FASN: variants seen among roughly 807,000 people sequenced by gnomAD.
The protein encoded by FASN is 3-hydroxyacyl-[acyl-carrier-protein] dehydratase.
A neutral mutation model predicts 250.0 loss-of-function variants in FASN; 50 were observed. The ratio of observed to expected loss-of-function variants is 0.20; its 90% CI spans 0.16 to 0.25. FASN has a LOEUF of 0.25. FASN is among the 10% of genes least tolerant of loss of function. The pLI is 1.00. For missense variants in FASN, 3,031 were observed against 3,498.5 expected (o/e 0.87, Z 3.37); for synonymous variants, 1,909 against 1,584.0 (o/e 1.21, Z -4.87).
rs1011473348 is a variant in FASN at position 82,085,063 on chromosome 17, G to A, written c.4381C>T (p.Arg1461Cys). The change falls in exon 25 of 43, where the codon CGC becomes TGC. Residue 1461 changes from arginine (R) to cysteine (C), a missense_variant. Arg to Cys is a radical substitution (Grantham distance 180). Transcript: ENST00000306749. ...AGGCGGTTCCCGCCGGGCTCTCGGC[G>A]GAGACAGTTCACCAAGCCCACCACG... ...SGVVGLVNCL[R>C]REPGGNRLRC... is the part of the protein sequence containing the mutation. 3.7e-6 allele frequency: 6 copies of A among 1,612,150 alleles called. No individual in the cohort carries two copies. Among genetic ancestry groups the A allele is most frequent in the East Asian group, 2.2e-5 (1 of 44,876 alleles).
intron 17 of FASN, 26 bp downstream of exon 17, chr17:82,088,090 C>T (rs45485701): frequency 1.5e-4 from 247 of 1,612,488 alleles, no homozygotes; most frequent in Admixed American, 3.5e-4. Context: ...CAGCTACCCC[C>T]GCCTTGGTCC....
Position 82,096,446 on chromosome 17 carries a change from G to A in FASN, c.-1C>T. On this transcript the variant is annotated 5_prime_UTR_variant, in exon 2 of 43. Transcript: ENST00000306749. ...TGCCGGCAATCACCACCTCCTCCAT[G>A]GCTGCTCTGCAGGGCGGGCGGTGTG... 2.5e-6 allele frequency: 4 copies of A among 1,611,802 alleles called. No individual in the cohort carries two copies. Among genetic ancestry groups the A allele is most frequent in the Non-Finnish European group, 3.4e-6 (4 of 1,179,974 alleles).
intron 38 of FASN, 50 bp downstream of exon 38, chr17:82,081,114 G>A (rs1397675010): frequency 9.1e-6 from 14 of 1,535,322 alleles, no homozygotes; most frequent in African/African-American, 2.7e-5. Flanking sequence ...CAAGGAGGAA[G>A]GGCTGGGGAG....
In FASN at chr17:82,091,118, T is replaced by C. The variant is rs368011372; in HGVS notation, c.1493-49A>G. 9 of 1,606,366 alleles carry C rather than the reference T, an allele frequency of 5.6e-6. No individual in the cohort carries two copies. In the African/African-American group the frequency reaches 6.7e-5, roughly 12 times the overall value. On this transcript the variant is annotated intron_variant, in intron 9 of 42. Coordinates refer to ENST00000306749, the MANE Select transcript of FASN (RefSeq NM_004104.5). ...GGCTCAGCCCCATCCCGTGCCACTG[T>C]GTGCCCATCCCCGTCCCAGAGAGCA...
chr17:82,086,323 G>T lies in FASN; in HGVS notation c.3663C>A (p.Ser1221=). The change falls in exon 22 of 43, where the codon TCC becomes TCA. Residue 1221 remains serine, a synonymous_variant. Coordinates refer to ENST00000306749, the MANE Select transcript of FASN (RefSeq NM_004104.5). Reference sequence around the variant, plus strand: ...TGTCCAGGCAGGCCTTGAGTGCCGGGGAGTCCAGGAGGCCGCTGAGCAGAG... The same window carrying T: ...TGTCCAGGCAGGCCTTGAGTGCCGGTGAGTCCAGGAGGCCGCTGAGCAGAG... ...EDPLLSGLLD[S]PALKACLDTA... is the part of the protein sequence containing the mutation. 6.2e-7 allele frequency: 1 copy of T among 1,603,936 alleles called. No individual in the cohort carries two copies.
At position 82,082,401 on chromosome 17, in the gene FASN, C is replaced by T; in HGVS notation, c.5933G>A (p.Gly1978Asp). 1 of 1,612,828 alleles carries T rather than the reference C, an allele frequency of 6.2e-7. No individual in the cohort carries two copies. Among genetic ancestry groups the T allele is most frequent in the Non-Finnish European group, 8.5e-7 (1 of 1,179,996 alleles). ...VFNLAVVLRDGLLENQTPEFF... is the reference protein window; with the variant it reads ...VFNLAVVLRDDLLENQTPEFF... ...CTCTGGGGTCTGGTTCTCCAGCAAGCCATCTCTCAAGACCTGGGGGAGGCA... is the reference window on the plus strand; with the variant it reads ...CTCTGGGGTCTGGTTCTCCAGCAAGTCATCTCTCAAGACCTGGGGGAGGCA... The change falls in exon 35 of 43, where the codon GGC (glycine) becomes GAC (aspartate). Residue 1978 changes from glycine (G) to aspartate (D), a missense_variant. Coordinates refer to ENST00000306749, the MANE Select transcript of FASN (RefSeq NM_004104.5).
chr17:82,086,230 C>T (rs769788225), intron 22 of FASN, 24 bp downstream of exon 22: 170 of 1,544,038 alleles, frequency 1.1e-4, no homozygotes, highest in Non-Finnish European at 1.4e-4. Context: ...GGGGCAGAGG[C>T]CTGGCTGCCC....
chr17:82,096,194 G>A, intron 2 of FASN, 125 bp downstream of exon 2: 1 of 1,475,206 alleles, frequency 6.8e-7, no homozygotes. Flanking sequence ...TGGCTCTGCA[G>A]CTGGGACCGG....
rs771103558 is a variant in FASN, at chr17:82,085,264, T to G, written c.4261A>C (p.Ser1421Arg). ...TTCAGAGACTCCACCCAGCGGAAGCTGGTATCGTCCACCGGCAGGAAGATG... is the reference window on the plus strand; with the variant it reads ...TTCAGAGACTCCACCCAGCGGAAGCGGGTATCGTCCACCGGCAGGAAGATG... ...SPIFLPVDDTSFRWVESLKGI... is the reference protein window; with the variant it reads ...SPIFLPVDDTRFRWVESLKGI... Residue 1421 changes from serine to arginine, a missense_variant, in exon 24 of 43, where the codon AGC (serine) becomes CGC (arginine). Transcript: ENST00000306749. 19 of 1,611,606 alleles carry G rather than the reference T, an allele frequency of 1.2e-5. 1 individual carries two copies. Among genetic ancestry groups the G allele is most frequent in the Non-Finnish European group, 1.7e-6 (2 of 1,179,534 alleles).
intron 41 of FASN, 157 bp downstream of exon 41, chr17:82,079,983 C>T: frequency 1.2e-6 from 1 of 836,938 alleles, no homozygotes; most frequent in South Asian, 1.5e-5. Context: ...GCCGGGATTA[C>T]AGGCATGAGC....
rs752680643 is a variant in FASN at position 82,086,480 on chromosome 17, A to G, written c.3506T>C (p.Ile1169Thr). Residue 1169 changes from isoleucine to threonine, a missense_variant, in exon 22 of 43, where the codon ATC (isoleucine) becomes ACC (threonine). Physicochemically the swap from Ile to Thr is moderately conservative, Grantham distance 89. Transcript: ENST00000306749. ...TTCCTGCTGTGAGGGGTCCCGGGGG[A>G]TCTGGGCCCCATCCAGTCCGGGCAC... ...MVVPGLDGAQIPRDPSQQELP... is the reference protein window; with the variant it reads ...MVVPGLDGAQTPRDPSQQELP... 1.2e-6 allele frequency: 2 copies of G among 1,612,362 alleles called. No individual in the cohort carries two copies. The highest frequency in any genetic ancestry group is 1.7e-6 in the Non-Finnish European group (2 of 1,179,918).
chr17:82,090,656 G>A lies in FASN; in HGVS notation c.1681-92C>T, dbSNP rs1027020542. On this transcript the variant is annotated intron_variant, in intron 10 of 42. Transcript: ENST00000306749. The stretch of plus-strand genomic sequence containing the variant: ...GCCCCACTAGGCCATCTCCACCCCC[G>A]CGCCCCATCGACCCTCCCAGGTCTC... The A allele has an allele frequency of 1.2e-4, 154 of 1,242,846 alleles. 7 individuals carry two copies. Among genetic ancestry groups the A allele is most frequent in the Admixed American group, 7.1e-4 (36 of 51,004 alleles). The allele number at this position is 1,242,846 out of a possible 1,614,324, so 77.0% of individuals were successfully genotyped here.
In FASN at chr17:82,078,905, G is replaced by A. The variant is rs1176821026; in HGVS notation, c.*238C>T. The stretch of plus-strand genomic sequence containing the variant: ...AGTTCCTGCGGGCACGGGCACCACC[G>A]GCTCTTCACAGACCAGGAGTCTCCA... On this transcript the variant is annotated 3_prime_UTR_variant, in exon 43 of 43. Transcript: ENST00000306749. This position sits in a 1 kb window ranked among gnomAD's most constrained non-coding sequence, Gnocchi z 5.4. 8.4e-6 allele frequency: 5 copies of A among 595,288 alleles called. No homozygotes were observed. The highest frequency in any genetic ancestry group is 2.0e-5 in the South Asian group (1 of 50,460). 36.9% of individuals were successfully genotyped at this position (595,288 alleles called of 1,614,324 possible). A position where few individuals can be genotyped will look rare whatever the true frequency, so the allele number is the denominator to read the frequency against.
Position 82,095,545 on chromosome 17 carries a change from G to A in FASN, c.128-73C>T. On this transcript the variant is annotated intron_variant, in intron 2 of 42. Coordinates refer to ENST00000306749, the MANE Select transcript of FASN (RefSeq NM_004104.5). ...GTGGGGGCCCTGTGGGGTGCTGCAG[G>A]CCCCTGGAGGGGCCATGGTGGAACT... The A allele has an allele frequency of 3.8e-6, 6 of 1,567,482 alleles. No individual in the cohort carries two copies. The South Asian group carries it at 5.6e-5, about 15-fold the overall frequency.
At chr17:82,094,498 A>C (rs2034270257) in intron 3 of FASN, among the ~76,000 whole-genome samples, 1 of 152,054 alleles carries the variant, frequency 6.6e-6, no homozygotes, top group South Asian at 2.1e-4. Context: ...CTGGATCTTA[A>C]GAAATGGCAT....
In FASN at chr17:82,080,686, G is replaced by C; in HGVS notation, c.6826+6C>G. 6.3e-7 allele frequency: 1 copy of C among 1,579,718 alleles called. No individual in the cohort carries two copies. The highest frequency in any genetic ancestry group is 8.6e-7 in the Non-Finnish European group (1 of 1,163,714). Reference sequence around the variant, plus strand: ...CCACCGCTTCCAGAGGAGGGCCCGGGAGTACCTCGGGTGCACTGCAGGCCA... The same window carrying C: ...CCACCGCTTCCAGAGGAGGGCCCGGCAGTACCTCGGGTGCACTGCAGGCCA... On this transcript the variant is annotated splice_donor_region_variant and intron_variant, in intron 39 of 42. Coordinates refer to ENST00000306749, the MANE Select transcript of FASN (RefSeq NM_004104.5).
chr17:82,084,732 G>A lies in FASN; in HGVS notation c.4565-16C>T, dbSNP rs780020054. On this transcript the variant is annotated splice_polypyrimidine_tract_variant and intron_variant, in intron 26 of 42. Transcript: ENST00000306749. Reference sequence around the variant, plus strand: ...TCAGGCTTGTCTAGGGAAACAGGGAGGTGGGGCTGCTGCGGGGCCTTCGGG... The same window carrying A: ...TCAGGCTTGTCTAGGGAAACAGGGAAGTGGGGCTGCTGCGGGGCCTTCGGG... 2 of 1,553,770 alleles carry A rather than the reference G, an allele frequency of 1.3e-6. No homozygotes were observed. The highest frequency in any genetic ancestry group is 1.7e-6 in the Non-Finnish European group (2 of 1,148,828).
chr17:82,090,819 G>C (rs2034190998), intron 10 of FASN, 63 bp downstream of exon 10: 3 of 1,530,524 alleles, frequency 2.0e-6, no homozygotes, highest in East Asian at 4.9e-5. Flanking sequence ...CAGCTCCTGG[G>C]CTCCAGGGAA....
At position 82,093,891 on chromosome 17, in the gene FASN, G is replaced by T. The variant is rs927223264; in HGVS notation, c.281-120C>A. On this transcript the variant is annotated intron_variant, in intron 3 of 42. Coordinates refer to ENST00000306749, the MANE Select transcript of FASN (RefSeq NM_004104.5). ...CCTCACTGGCTTGGGGTGAGGGGGG[G>T]TCCATCCCAGTGGGACCCTGGAAGG... The T allele has an allele frequency of 3.8e-6, 4 of 1,055,740 alleles. No homozygotes were observed. In the African/African-American group the frequency reaches 4.7e-5, roughly 12 times the overall value. The allele number at this position is 1,055,740 out of a possible 1,614,324, so 65.4% of individuals were successfully genotyped here. A position where few individuals can be genotyped will look rare whatever the true frequency, so the allele number is the denominator to read the frequency against.
Sources: gnomAD v4.1 joint callset for allele counts (sites outside exome capture counted in the v4.1 genomes callset) on GRCh38, gnomAD v4.1.1 for gene constraint, Gnocchi (gnomAD v3.1) non-coding constraint, MANE v1.5 for transcripts, NCBI Gene and HGNC (gene_info 2026-07-23, HGNC 2026-07-21) for gene names.